Variants in ERMP1 observed in about 807,000 individuals in gnomAD.
The protein encoded by ERMP1 is endoplasmic reticulum metallopeptidase 1, also known as Felix-ina.
In ERMP1, 86 loss-of-function variants were observed where a neutral mutation model predicts 92.0. That is an observed-to-expected ratio of 0.93 (90% CI 0.79 to 1.12). The LOEUF (loss-of-function observed/expected upper bound fraction) is 1.12, where lower values mean the gene tolerates loss of function less well. ERMP1 is among the 50% of genes most tolerant of loss of function. The pLI is 0.00. For missense variants in ERMP1, 1,342 were observed against 1,116.3 expected (o/e 1.20, Z -2.88); for synonymous variants, 530 against 412.8 (o/e 1.28, Z -3.44).
intron 6 of ERMP1, among the ~76,000 whole-genome samples, chr9:5,851,412 A>G (rs1354705656): frequency 1.3e-5 from 2 of 152,234 alleles, no homozygotes; most frequent in African/African-American, 2.4e-5. Flanking sequence ...CTTTTCATCA[A>G]TACATTTCTC....
chr9:5,852,587 C>T (rs989556711), intron 6 of ERMP1, among the ~76,000 whole-genome samples: 1 of 150,994 alleles, frequency 6.6e-6, no homozygotes, highest in Non-Finnish European at 1.5e-5. Context: ...TGCTCAAATA[C>T]TGGAATCTTT....
chr9:5,787,619 A>T, intron 13 of ERMP1, 26 bp from the exon 14 acceptor site: 1 of 1,591,386 alleles, frequency 6.3e-7, no homozygotes, highest in Non-Finnish European at 8.5e-7. Flanking sequence ...AAGAAAGAAC[A>T]GTTAATCTTT....
intron 6 of ERMP1, among the ~76,000 whole-genome samples, chr9:5,846,591 G>C (rs1291916118): frequency 6.6e-6 from 1 of 152,186 alleles, no homozygotes; most frequent in East Asian, 1.9e-4. Flanking sequence ...ATGTATGTGT[G>C]ATTATCACAT....
At chr9:5,857,526 C>A (rs933266249) in intron 6 of ERMP1, among the ~76,000 whole-genome samples, 1 of 152,190 alleles carries the variant, frequency 6.6e-6, no homozygotes, top group Non-Finnish European at 1.5e-5. Context: ...ATAGAATCTG[C>A]AAATGATGAG....
upstream of ERMP1, among the ~76,000 whole-genome samples, chr9:5,837,282 C>T (rs1423278569): frequency 6.6e-6 from 1 of 152,044 alleles, no homozygotes; most frequent in Non-Finnish European, 1.5e-5. Flanking sequence ...TGCACCTGGC[C>T]AATTGGTTCT....
intron 6 of ERMP1, among the ~76,000 whole-genome samples, chr9:5,839,376 C>T (rs907144269): frequency 3.9e-5 from 6 of 152,272 alleles, no homozygotes; most frequent in Admixed American, 6.5e-5. Flanking sequence ...CCCATGAACC[C>T]GGAAGTCTCT....
intron 5 of ERMP1, among the ~76,000 whole-genome samples, chr9:5,862,011 TA>T (rs1026901892): frequency 6.6e-6 from 1 of 151,670 alleles, no homozygotes; most frequent in African/African-American, 2.4e-5. Flanking sequence ...ATTTTTTTTT[TA>T]AAAAAAGTAT....
chr9:5,846,724 C>A (rs1376322215), intron 6 of ERMP1, among the ~76,000 whole-genome samples: 3 of 152,204 alleles, frequency 2.0e-5, no homozygotes, highest in Admixed American at 6.5e-5. Context: ...AGGTACTTTG[C>A]TATCCCTGTG....
At chr9:5,812,846 T>G (rs766169223) in intron 5 of ERMP1, 43 bp downstream of exon 5, 3 of 1,611,682 alleles carry the variant, frequency 1.9e-6, no homozygotes, top group South Asian at 1.1e-5. Context: ...TTGCTTTTGA[T>G]AAATAAATGC....
chr9:5,832,990 T>C lies in ERMP1; in HGVS notation c.38A>G (p.His13Arg), dbSNP rs1375830180. ...CTCTCGACGCTCTACTCCGACGCGG[T>C]GCCGCCTCACAGCAGCCGACTCAGA... ...WGSESAAVRR[H>R]RVGVERREGA... Residue 13 changes from histidine to arginine, a missense_variant, in exon 1 of 15, where the codon CAC becomes CGC. His to Arg is a conservative substitution (Grantham distance 29). Coordinates refer to ENST00000339450, the MANE Select transcript of ERMP1 (RefSeq NM_024896.3). 9 of 1,560,166 alleles carry C rather than the reference T, an allele frequency of 5.8e-6. No individual in the cohort carries two copies. In the Admixed American group the frequency reaches 1.4e-4, roughly 25 times the overall value.
chr9:5,812,753 T>G (rs1829144920), intron 5 of ERMP1, 136 bp downstream of exon 5: 1 of 956,702 alleles, frequency 1.0e-6, no homozygotes, highest in Non-Finnish European at 1.7e-6. Flanking sequence ...AAACTCTGTT[T>G]TAGTGAGTCA....
intron 6 of ERMP1, among the ~76,000 whole-genome samples, chr9:5,858,008 C>G (rs1830402387): frequency 6.6e-6 from 1 of 152,154 alleles, no homozygotes; most frequent in Non-Finnish European, 1.5e-5. Flanking sequence ...GTGGCAGGTC[C>G]CAAGACAAAT....
chr9:5,804,673 A>T (rs1231853135), intron 10 of ERMP1, among the ~76,000 whole-genome samples: 1 of 152,192 alleles, frequency 6.6e-6, no homozygotes, highest in Admixed American at 6.5e-5. Flanking sequence ...TCTAATTAGT[A>T]ATTTCAAAAT....
chr9:5,853,618 T>C (rs1563783211), intron 6 of ERMP1, among the ~76,000 whole-genome samples: 2 of 151,928 alleles, frequency 1.3e-5, no homozygotes, highest in Non-Finnish European at 2.9e-5. Context: ...GCCAGGCAGA[T>C]GGGAGTTAGA....
chr9:5,789,863 T>TG, intron 13 of ERMP1, among the ~76,000 whole-genome samples: 1 of 151,600 alleles, frequency 6.6e-6, no homozygotes, highest in African/African-American at 2.4e-5. Context: ...TTTTTTTTTT[T>TG]GGTAGAGATG....
rs1829904618 is a variant in ERMP1, at chr9:5,830,670, G to A, written c.640+57C>T. On this transcript the variant is annotated intron_variant, in intron 2 of 14. Coordinates refer to ENST00000339450, the MANE Select transcript of ERMP1 (RefSeq NM_024896.3). ...AATTGCCCAAGTAGCTTGGGGTTAT[G>A]TTAATAAACTTTCTGGGCTGTGACA... is the stretch of plus-strand genomic sequence containing the variant. 4.2e-6 allele frequency: 6 copies of A among 1,436,978 alleles called. No individual in the cohort carries two copies. The African/African-American group carries it at 4.3e-5, about 10-fold the overall frequency. 89.0% of individuals were successfully genotyped at this position (1,436,978 alleles called of 1,614,324 possible). A position where few individuals can be genotyped will look rare whatever the true frequency, so the allele number is the denominator to read the frequency against.
At chr9:5,854,792 G>T (rs1830353339) in intron 6 of ERMP1, among the ~76,000 whole-genome samples, 1 of 152,132 alleles carries the variant, frequency 6.6e-6, no homozygotes, top group Non-Finnish European at 1.5e-5. Flanking sequence ...CTCCCAAAGT[G>T]CTGGGATTAC....
intron 5 of ERMP1, among the ~76,000 whole-genome samples, chr9:5,863,623 A>G (rs547770057): frequency 1.3e-4 from 20 of 152,302 alleles, no homozygotes; most frequent in African/African-American, 4.8e-4. Flanking sequence ...TACTGTTGAT[A>G]TACTATGTAA....
chr9:5,786,942 C>G lies in ERMP1; in HGVS notation c.*202G>C, dbSNP rs964168530. ...TGAAGTGCCAAAAGACTGGCATTTT[C>G]AAGTGTCAACAGGCCATGCATCACT... On this transcript the variant is annotated 3_prime_UTR_variant, in exon 15 of 15. Transcript: ENST00000339450. The G allele has an allele frequency of 3.3e-5, 15 of 456,768 alleles. No individual in the cohort carries two copies. Among genetic ancestry groups the G allele is most frequent in the Non-Finnish European group, 5.4e-5 (14 of 260,508 alleles). 28.3% of individuals were successfully genotyped at this position (456,768 alleles called of 1,614,324 possible). A position where few individuals can be genotyped will look rare whatever the true frequency, so the allele number is the denominator to read the frequency against.
Sources: allele counts gnomAD v4.1 joint callset (sites outside exome capture counted in the v4.1 genomes callset), GRCh38; gene constraint gnomAD v4.1.1; transcripts MANE v1.5; gene names NCBI Gene and HGNC (gene_info 2026-07-23, HGNC 2026-07-21).